Variants in LHFPL2 observed in about 807,000 individuals in gnomAD.
LHFPL2 encodes the protein LHFPL tetraspan subfamily member 2.
A neutral mutation model predicts 17.5 loss-of-function variants in LHFPL2; 7 were observed. The ratio of observed to expected loss-of-function variants is 0.40; its 90% CI spans 0.23 to 0.75. LHFPL2 has a LOEUF of 0.75. Among genes scored for constraint, LHFPL2 ranks in the 30% least tolerant of loss-of-function variants. LHFPL2 has a pLI of 0.37. For missense variants in LHFPL2, 241 were observed against 294.8 expected (o/e 0.82, Z 1.34); for synonymous variants, 134 against 116.2 (o/e 1.15, Z -0.99).
intron 2 of LHFPL2, among the ~76,000 whole-genome samples, chr5:78,568,883 A>T (rs1756925381): frequency 6.6e-6 from 1 of 152,188 alleles, no homozygotes; most frequent in African/African-American, 2.4e-5. Context: ...AGGCACTATT[A>T]CTAAAAGGGG....
intron 2 of LHFPL2, among the ~76,000 whole-genome samples, chr5:78,573,735 T>C (rs890118150): frequency 1.3e-5 from 2 of 152,204 alleles, no homozygotes; most frequent in Non-Finnish European, 2.9e-5. Flanking sequence ...TTGGAAGCCA[T>C]TGCCCTGGAC....
rs117205205 is a variant in LHFPL2, at chr5:78,514,090, C to G, written c.-185-3692G>C. ...CCTCATGACAGAACCTTATTAACCA[C>G]AGGGATACGAGGCACAGCCCTCTTC... On this transcript the variant is annotated intron_variant, in intron 3 of 4. Coordinates refer to ENST00000380345, the MANE Select transcript of LHFPL2 (RefSeq NM_005779.3). Among the ~76,000 whole-genome samples the G allele has an allele frequency of 8.5e-5, 13 of 152,296 alleles. No homozygotes were observed. In the East Asian group the frequency reaches 2.5e-3, roughly 29 times the overall value.
Position 78,604,685 on chromosome 5 carries a change from T to C in LHFPL2, c.-245+27579A>G, listed in dbSNP as rs546302806. On this transcript the variant is annotated intron_variant, in intron 2 of 4. Transcript: ENST00000380345. ...ACATGCAAACCCTGATAACTGAAAT[T>C]CATTTTCTTAATTTTTGTTATTACT... Among the ~76,000 whole-genome samples the C allele has an allele frequency of 1.1e-4, 17 of 152,298 alleles. 1 individual carries two copies. In the South Asian group the frequency reaches 3.5e-3, roughly 32 times the overall value.
chr5:78,489,408 T>G (rs1245707175), intron 4 of LHFPL2, among the ~76,000 whole-genome samples: 14 of 152,210 alleles, frequency 9.2e-5, no homozygotes, highest in African/African-American at 3.1e-4. Flanking sequence ...AGCAAATTGG[T>G]ACTTTTCTTC....
intron 4 of LHFPL2, among the ~76,000 whole-genome samples, chr5:78,495,048 T>C (rs1195745359): frequency 6.6e-6 from 1 of 152,182 alleles, no homozygotes; most frequent in Non-Finnish European, 1.5e-5. Flanking sequence ...TCAAATACTT[T>C]TAATCAAATC....
rs200834954 is a variant in LHFPL2 at position 78,572,492 on chromosome 5, A to ATG, written c.-244-7623_-244-7622dup. 8.9e-3 allele frequency among the ~76,000 whole-genome samples: 1,280 copies of ATG among 144,044 alleles called. 20 individuals are homozygous for ATG. The highest frequency in any genetic ancestry group is 0.06 in the East Asian group (308 of 5,092). 94.5% of individuals were successfully genotyped at this position (144,044 alleles called of 152,430 possible). A position where few individuals can be genotyped will look rare whatever the true frequency, so the allele number is the denominator to read the frequency against. On this transcript the variant is annotated intron_variant, in intron 2 of 4. Transcript: ENST00000380345. ...CATGTGTATATATATGTGTATATATATGTGTGTATATATATATATACACAC... is the reference window on the plus strand; with the variant it reads ...CATGTGTATATATATGTGTATATATATGTGTGTGTATATATATATATACACAC...
intron 2 of LHFPL2, among the ~76,000 whole-genome samples, chr5:78,583,866 C>T (rs1330957566): frequency 6.7e-6 from 1 of 150,002 alleles, no homozygotes; most frequent in Non-Finnish European, 1.5e-5. Context: ...TGGATAATAT[C>T]CTGCAGAGTG....
chr5:78,597,274 G>A (rs933713753), intron 2 of LHFPL2, among the ~76,000 whole-genome samples: 4 of 152,184 alleles, frequency 2.6e-5, no homozygotes, highest in Non-Finnish European at 4.4e-5. Context: ...CTCACAGGGA[G>A]CTCTAAAATG....
Position 78,521,499 on chromosome 5 carries a change from T to C in LHFPL2, c.-185-11101A>G, listed in dbSNP as rs1403772862. ...AAGTGATTTGCAATTTTATTTGGCA[T>C]TATCAACAACACCATGGATAGATTT... On this transcript the variant is annotated intron_variant, in intron 3 of 4. Coordinates refer to ENST00000380345, the MANE Select transcript of LHFPL2 (RefSeq NM_005779.3). 3.9e-5 allele frequency among the ~76,000 whole-genome samples: 6 copies of C among 152,358 alleles called. No homozygotes were observed. The East Asian group carries it at 1.2e-3, about 29-fold the overall frequency.
At chr5:78,631,685 C>T (rs1441648192) in intron 2 of LHFPL2, among the ~76,000 whole-genome samples, 1 of 152,172 alleles carries the variant, frequency 6.6e-6, no homozygotes, top group Admixed American at 6.5e-5. Flanking sequence ...CCTGTAATCC[C>T]AGCACTTTGG....
chr5:78,631,007 G>T (rs775683108), intron 2 of LHFPL2, among the ~76,000 whole-genome samples: 21 of 152,144 alleles, frequency 1.4e-4, no homozygotes, highest in Non-Finnish European at 2.5e-4. Flanking sequence ...GATAATGCGA[G>T]ATCAACTCAA....
chr5:78,551,434 G>T (rs1406719755), intron 3 of LHFPL2, among the ~76,000 whole-genome samples: 1 of 152,100 alleles, frequency 6.6e-6, no homozygotes, highest in African/African-American at 2.4e-5. Context: ...CTACTGTCCT[G>T]GGGGTTCCTA....
intron 2 of LHFPL2, among the ~76,000 whole-genome samples, chr5:78,593,004 A>G (rs528076093): frequency 6.6e-6 from 1 of 152,304 alleles, no homozygotes; most frequent in Admixed American, 6.5e-5. Context: ...ATTTTATGTT[A>G]TGTGTATTTT....
intron 4 of LHFPL2, among the ~76,000 whole-genome samples, chr5:78,496,887 C>T (rs1754624760): frequency 6.6e-6 from 1 of 152,140 alleles, no homozygotes; most frequent in African/African-American, 2.4e-5. Context: ...GGTCCTCTTC[C>T]CTATCTATAT....
intron 1 of LHFPL2, among the ~76,000 whole-genome samples, chr5:78,639,047 T>C (rs970240628): frequency 6.6e-6 from 1 of 152,222 alleles, no homozygotes; most frequent in Admixed American, 6.5e-5. Flanking sequence ...ACCAGAAGTC[T>C]AGTTTCCAGA....
At chr5:78,551,125 A>G (rs1561335161) in intron 3 of LHFPL2, among the ~76,000 whole-genome samples, 1 of 152,246 alleles carries the variant, frequency 6.6e-6, no homozygotes, top group Non-Finnish European at 1.5e-5. Flanking sequence ...CATCAGGGAA[A>G]CATCTCCTGG....
At chr5:78,516,311 G>A (rs889743653) in intron 3 of LHFPL2, among the ~76,000 whole-genome samples, 1 of 152,100 alleles carries the variant, frequency 6.6e-6, no homozygotes, top group African/African-American at 2.4e-5. Context: ...ACTTCTGATC[G>A]ACTCCTCTTC....
At chr5:78,503,129 G>A (rs758769387) in intron 4 of LHFPL2, among the ~76,000 whole-genome samples, 7 of 152,154 alleles carry the variant, frequency 4.6e-5, no homozygotes, top group Non-Finnish European at 7.4e-5. Context: ...TTTTGAAGTG[G>A]CTTTATAGCT....
At chr5:78,544,568 A>G (rs1257205672) in intron 3 of LHFPL2, among the ~76,000 whole-genome samples, 1 of 152,226 alleles carries the variant, frequency 6.6e-6, no homozygotes, top group Non-Finnish European at 1.5e-5. Context: ...ATTTTTGTTA[A>G]TAGGATGTAT....
Sources: gnomAD v4.1 joint callset for allele counts (sites outside exome capture counted in the v4.1 genomes callset) on GRCh38, gnomAD v4.1.1 for gene constraint, MANE v1.5 for transcripts, NCBI Gene and HGNC (gene_info 2026-07-23, HGNC 2026-07-21) for gene names.